The following ACSL5 variants were observed in gnomAD, a reference collection of about 807,000 sequenced individuals.
The protein encoded by ACSL5 is acyl-CoA synthetase long chain family member 5, also known as long-chain-fatty-acid--CoA ligase 5.
In ACSL5, 50 loss-of-function variants were observed where a neutral mutation model predicts 84.9. The ratio of observed to expected loss-of-function variants is 0.59; its 90% CI spans 0.47 to 0.75. ACSL5 has a LOEUF of 0.75. Ranked by LOEUF, ACSL5 falls within the 30% of genes least tolerant of loss-of-function variation. The pLI, the probability that ACSL5 is intolerant of heterozygous loss-of-function variation, is 0.00. For synonymous variants in ACSL5, 280 were observed against 300.7 expected (o/e 0.93, Z 0.71); for missense variants, 775 against 830.4 (o/e 0.93, Z 0.82).
intron 3 of ACSL5, among the ~76,000 whole-genome samples, chr10:112,403,189 A>G (rs1214395536): frequency 6.6e-6 from 1 of 152,268 alleles, no homozygotes; most frequent in African/African-American, 2.4e-5. Context: ...CATGAAAGTA[A>G]ATAAAACCTA....
At chr10:112,410,709 G>T (rs1275771052) in intron 9 of ACSL5, 74 bp downstream of exon 9, 1 of 1,496,240 alleles carries the variant, frequency 6.7e-7, no homozygotes, top group Non-Finnish European at 9.1e-7. Context: ...GCCACTGGTA[G>T]GCTGGTAAAT....
At chr10:112,413,437 C>T (rs909004266) in intron 12 of ACSL5, 130 bp downstream of exon 12, 2 of 1,174,976 alleles carry the variant, frequency 1.7e-6, no homozygotes, top group Non-Finnish European at 2.4e-6. Flanking sequence ...TGTGTAAATA[C>T]AATCCCCGCC....
At chr10:112,388,240 C>T (rs1341464633) in intron 1 of ACSL5, among the ~76,000 whole-genome samples, 2 of 152,146 alleles carry the variant, frequency 1.3e-5, no homozygotes, top group African/African-American at 2.4e-5. Flanking sequence ...GCTCCTAGTC[C>T]AGTATGATTT....
chr10:112,391,776 C>T (rs548121459), intron 1 of ACSL5, among the ~76,000 whole-genome samples: 58 of 152,278 alleles, frequency 3.8e-4, no homozygotes, highest in African/African-American at 1.3e-3. Context: ...AAAATGCAGT[C>T]TTCTGGATTA....
intron 16 of ACSL5, 65 bp downstream of exon 16, chr10:112,422,100 T>C (rs1011540029): frequency 6.4e-7 from 1 of 1,556,416 alleles, no homozygotes. Context: ...AAAGAGCAAA[T>C]AATTGTAAGC....
intron 1 of ACSL5, among the ~76,000 whole-genome samples, chr10:112,385,066 G>A (rs963782897): frequency 6.6e-6 from 1 of 152,122 alleles, no homozygotes; most frequent in Non-Finnish European, 1.5e-5. Context: ...GGCTTTCCTA[G>A]GCTTTTGGAT....
chr10:112,411,534 G>A lies in ACSL5; in HGVS notation c.870+5G>A, dbSNP rs1159956812. ...GCCTTTCTCAAATGTGTGGAGGTCA[G>A]TGGTCAGTTGAAAAAGAGGCTCTCA... On this transcript the variant is annotated splice_donor_5th_base_variant and intron_variant, in intron 10 of 20. Transcript: ENST00000354655. The A allele has an allele frequency of 3.7e-6, 6 of 1,611,586 alleles. No homozygotes were observed. Among genetic ancestry groups the A allele is most frequent in the Non-Finnish European group, 4.2e-6 (5 of 1,177,728 alleles).
chr10:112,411,417 A>T (rs1844173273), intron 9 of ACSL5, 39 bp from the exon 10 acceptor site: 1 of 1,539,050 alleles, frequency 6.5e-7, no homozygotes, highest in Non-Finnish European at 9.0e-7. Flanking sequence ...CCTATTAGCT[A>T]CATAAAGTAT....
At position 112,384,865 on chromosome 10, in the gene ACSL5, G is replaced by A. The variant is rs762745596; in HGVS notation, c.-29-10053G>A. Reference sequence around the variant, plus strand: ...ATTGTCTTTTCAGAAACACAAATGCGTATATAATTCATTGTAATTGAGAAG... The same window carrying A: ...ATTGTCTTTTCAGAAACACAAATGCATATATAATTCATTGTAATTGAGAAG... On this transcript the variant is annotated intron_variant, in intron 1 of 20. Transcript: ENST00000354655. 1.3e-4 allele frequency among the ~76,000 whole-genome samples: 20 copies of A among 152,084 alleles called. 1 individual carries two copies. Among genetic ancestry groups the A allele is most frequent in the African/African-American group, 4.3e-4 (18 of 41,414 alleles).
At chr10:112,402,874 TC>T (rs1564736912) in intron 3 of ACSL5, among the ~76,000 whole-genome samples, 1 of 152,240 alleles carries the variant, frequency 6.6e-6, no homozygotes, top group East Asian at 1.9e-4. Flanking sequence ...CGTGAGGGCT[TC>T]TAAGCCACTT....
At chr10:112,423,016 G>A (rs569890740) in intron 17 of ACSL5, among the ~76,000 whole-genome samples, 5 of 145,684 alleles carry the variant, frequency 3.4e-5, no homozygotes, top group Non-Finnish European at 7.5e-5. Flanking sequence ...GTGAAACCCC[G>A]TCTCTACTAA....
chr10:112,411,205 C>T (rs758188257), intron 9 of ACSL5, among the ~76,000 whole-genome samples: 35 of 152,154 alleles, frequency 2.3e-4, no homozygotes, highest in Non-Finnish European at 4.0e-4. Flanking sequence ...TTCTTTGCAG[C>T]TGTGCTTCTA....
intron 19 of ACSL5, 100 bp downstream of exon 19, chr10:112,426,459 C>A: frequency 1.0e-6 from 1 of 964,420 alleles, no homozygotes; most frequent in Non-Finnish European, 1.6e-6. Context: ...GGCTGCAGCC[C>A]AAACAGACTG....
At chr10:112,394,453 T>G (rs114370621) in intron 1 of ACSL5, among the ~76,000 whole-genome samples, 225 of 152,358 alleles carry the variant, frequency 1.5e-3, no homozygotes, top group African/African-American at 5.2e-3. Context: ...TGGCATCACC[T>G]TGACAGATCT....
At chr10:112,416,791 T>C in intron 12 of ACSL5, 97 bp from the exon 13 acceptor site, 1 of 1,380,506 alleles carries the variant, frequency 7.2e-7, no homozygotes, top group Non-Finnish European at 1.0e-6. Flanking sequence ...GTGAGACCAC[T>C]TCCTTATAAA....
chr10:112,422,231 C>A, intron 16 of ACSL5, 94 bp from the exon 17 acceptor site: 1 of 1,166,146 alleles, frequency 8.6e-7, no homozygotes, highest in Non-Finnish European at 1.3e-6. Context: ...TGGAAGCCAT[C>A]AAATGATTTA....
intron 1 of ACSL5, chr10:112,375,370 C>T (rs1368391066): frequency 3.9e-5 from 6 of 152,078 alleles, no homozygotes; most frequent in Non-Finnish European, 5.9e-5. Context: ...CTCTTGTGTT[C>T]TCTGAGACTG....
intron 14 of ACSL5, chr10:112,420,050 A>G (rs1407978236): frequency 6.6e-6 from 1 of 152,250 alleles, no homozygotes; most frequent in Non-Finnish European, 1.5e-5. Flanking sequence ...CCCTATCTGT[A>G]TAACCACAAT....
At chr10:112,393,301 G>A (rs1314763029) in intron 1 of ACSL5, among the ~76,000 whole-genome samples, 9 of 152,234 alleles carry the variant, frequency 5.9e-5, no homozygotes, top group African/African-American at 2.2e-4. Flanking sequence ...AATATGGAAA[G>A]AACCAAGGAG....
Sources: allele counts gnomAD v4.1 joint callset (sites outside exome capture counted in the v4.1 genomes callset), GRCh38; gene constraint gnomAD v4.1.1; transcripts MANE v1.5; gene names NCBI Gene and HGNC (gene_info 2026-07-23, HGNC 2026-07-21).